AGBL1: variants seen among roughly 807,000 people sequenced by gnomAD.
AGBL1 encodes cytosolic carboxypeptidase 4.
A neutral mutation model predicts 118.9 loss-of-function variants in AGBL1; 130 were observed. The ratio of observed to expected loss-of-function variants is 1.09; its 90% CI spans 0.95 to 1.26. The LOEUF (loss-of-function observed/expected upper bound fraction) is 1.26. Ranked by LOEUF, AGBL1 falls within the 50% of genes most tolerant of loss-of-function variation. The pLI, the probability that AGBL1 is intolerant of heterozygous loss-of-function variation, is 0.00. For synonymous variants in AGBL1, 555 were observed against 478.9 expected, an observed-to-expected ratio of 1.16 and a Z score of -2.08; for missense variants, 1,584 against 1,298.1, an observed-to-expected ratio of 1.22 and a Z score of -3.38.
chr15:86,679,406 A>C (rs1226375557), intron 22 of AGBL1, among the ~76,000 whole-genome samples: 1 of 151,978 alleles, frequency 6.6e-6, no homozygotes, highest in Non-Finnish European at 1.5e-5. Context: ...TTATATAGGA[A>C]ATTTCTGGGT....
chr15:86,480,264 A>G (rs897556571), intron 18 of AGBL1, among the ~76,000 whole-genome samples: 10 of 152,182 alleles, frequency 6.6e-5, no homozygotes, highest in African/African-American at 9.6e-5. Flanking sequence ...TGAATATATT[A>G]ATTTGCTTCA....
At chr15:86,254,574 C>A (rs147764323) in intron 7 of AGBL1, among the ~76,000 whole-genome samples, 1 of 152,296 alleles carries the variant, frequency 6.6e-6, no homozygotes, top group African/African-American at 2.4e-5. Context: ...TTCATCATCC[C>A]TTCCAAGTAG....
chr15:86,821,536 A>G (rs946436514), intron 22 of AGBL1, among the ~76,000 whole-genome samples: 1 of 152,158 alleles, frequency 6.6e-6, no homozygotes, highest in African/African-American at 2.4e-5. Flanking sequence ...TAAAAAATAT[A>G]ATTGTTGAAA....
chr15:86,533,611 G>T (rs2083380433), intron 19 of AGBL1, among the ~76,000 whole-genome samples: 1 of 137,238 alleles, frequency 7.3e-6, no homozygotes, highest in Non-Finnish European at 1.5e-5. Flanking sequence ...CCCATTACTG[G>T]GTATATACCC....
intron 22 of AGBL1, among the ~76,000 whole-genome samples, chr15:86,733,996 C>T (rs750757447): frequency 6.6e-6 from 1 of 152,156 alleles, no homozygotes; most frequent in Non-Finnish European, 1.5e-5. Context: ...CCAGTGACCC[C>T]TTATACAGGT....
At chr15:86,524,284 G>T (rs533820562) in intron 19 of AGBL1, among the ~76,000 whole-genome samples, 1 of 152,096 alleles carries the variant, frequency 6.6e-6, no homozygotes, top group Non-Finnish European at 1.5e-5. Context: ...ATGACTATCC[G>T]CAGGCTCAGT....
At chr15:86,146,884 C>G (rs530524437) in intron 3 of AGBL1, among the ~76,000 whole-genome samples, 1 of 152,104 alleles carries the variant, frequency 6.6e-6, no homozygotes, top group South Asian at 2.1e-4. Context: ...TATCAGTAAA[C>G]GAGGTTTAGG....
chr15:86,825,558 A>C lies in AGBL1; in HGVS notation c.3159-81529A>C, dbSNP rs554962770. Among the ~76,000 whole-genome samples, 111 of 151,660 alleles carry C rather than the reference A, an allele frequency of 7.3e-4. 1 individual carries two copies. Among genetic ancestry groups the C allele is most frequent in the Non-Finnish European group, 1.4e-3 (92 of 67,926 alleles). Reference sequence around the variant, plus strand: ...ATACCCAAAAAAGAGACATTTTAGCAAAGGAAGTATACAGATGGCAAAGAG... The same window carrying C: ...ATACCCAAAAAAGAGACATTTTAGCCAAGGAAGTATACAGATGGCAAAGAG... On this transcript the variant is annotated intron_variant, in intron 22 of 22. Coordinates refer to ENST00000614907, the MANE Select transcript of AGBL1 (RefSeq NM_001386094.1).
At chr15:86,296,519 C>G (rs547916214) in intron 17 of AGBL1, 1 of 152,280 alleles carries the variant, frequency 6.6e-6, no homozygotes, top group African/African-American at 2.4e-5. Flanking sequence ...ACAGCCTTCC[C>G]TGAGGAAGAT....
intron 23 of AGBL1, among the ~76,000 whole-genome samples, chr15:86,934,483 G>T (rs2080642617): frequency 6.6e-6 from 1 of 151,814 alleles, no homozygotes; most frequent in South Asian, 2.1e-4. Context: ...TGTGCTTACA[G>T]ACTTCCTCCT....
chr15:86,440,891 C>CATCAGA (rs1402304613), intron 18 of AGBL1, among the ~76,000 whole-genome samples: 2 of 152,138 alleles, frequency 1.3e-5, no homozygotes, highest in South Asian at 2.1e-4. Flanking sequence ...GTAGCACAAG[C>CATCAGA]ATCAGAATCA....
intron 18 of AGBL1, among the ~76,000 whole-genome samples, chr15:86,488,754 C>A (rs1691263633): frequency 6.6e-6 from 1 of 152,060 alleles, no homozygotes; most frequent in South Asian, 2.1e-4. Context: ...CTCTACCGGG[C>A]CCTTTCCAAT....
chr15:86,670,933 C>T lies in AGBL1; in HGVS notation c.2995-3340C>T, dbSNP rs537348123. Among the ~76,000 whole-genome samples the T allele has an allele frequency of 9.2e-5, 14 of 152,088 alleles. No homozygotes were observed. The South Asian group carries it at 2.5e-3, about 27-fold the overall frequency. ...GTTGTTTAAATCAGAGAGGGTTGTA[C>T]TGGTTAGCTTTGCTTACTAATACTG... On this transcript the variant is annotated intron_variant, in intron 21 of 22. Transcript: ENST00000614907.
chr15:86,120,034 G>A (rs1286180636), intron 1 of AGBL1, among the ~76,000 whole-genome samples: 1 of 152,022 alleles, frequency 6.6e-6, no homozygotes, highest in East Asian at 1.9e-4. Flanking sequence ...ATTCATTCAA[G>A]TACTCATTAT....
intron 22 of AGBL1, among the ~76,000 whole-genome samples, chr15:86,742,003 G>A (rs2141237457): frequency 6.6e-6 from 1 of 150,620 alleles, no homozygotes; most frequent in Middle Eastern, 3.4e-3. Context: ...AACTATGAGT[G>A]GCTTAAAACC....
At chr15:86,716,331 G>C (rs1255436659) in intron 22 of AGBL1, among the ~76,000 whole-genome samples, 1 of 151,892 alleles carries the variant, frequency 6.6e-6, no homozygotes, top group Non-Finnish European at 1.5e-5. Context: ...GGGGAAATCT[G>C]AAAGGCTCGG....
At chr15:86,326,723 T>C (rs545821906) in intron 17 of AGBL1, among the ~76,000 whole-genome samples, 1 of 152,290 alleles carries the variant, frequency 6.6e-6, no homozygotes, top group African/African-American at 2.4e-5. Flanking sequence ...GACAACAGCA[T>C]TTGAGCAACC....
intron 23 of AGBL1, among the ~76,000 whole-genome samples, chr15:86,922,654 TTTAAATGCTATAAA>T (rs1173864683): frequency 3.3e-5 from 5 of 152,240 alleles, no homozygotes; most frequent in Non-Finnish European, 7.3e-5. Flanking sequence ...ATAGCTATAA[TTTAAATGCTATAAA>T]TTATACCACT....
At chr15:86,237,080 C>G (rs1016963794) in intron 6 of AGBL1, among the ~76,000 whole-genome samples, 3 of 152,086 alleles carry the variant, frequency 2.0e-5, no homozygotes, top group African/African-American at 7.2e-5. Context: ...CAGCCCAGCT[C>G]TAAAAGCCGG....
Sources: allele counts gnomAD v4.1 joint callset (sites outside exome capture counted in the v4.1 genomes callset), GRCh38; gene constraint gnomAD v4.1.1; transcripts MANE v1.5; gene names NCBI Gene and HGNC (gene_info 2026-07-23, HGNC 2026-07-21).